SNRPB2: variants seen among roughly 807,000 people sequenced by gnomAD.
The protein encoded by SNRPB2 is U2 small nuclear ribonucleoprotein B''.
SNRPB2 carries 16 observed loss-of-function variants against 26.3 expected under a neutral mutation model. The observed-to-expected ratio is 0.61, with a 90% CI of 0.41 to 0.92. The LOEUF (loss-of-function observed/expected upper bound fraction) is 0.92, where lower values mean the gene tolerates loss of function less well. SNRPB2 is among the 40% of genes least tolerant of loss of function. The pLI, the probability that SNRPB2 is intolerant of heterozygous loss-of-function variation, is 0.00. For missense variants in SNRPB2, 179 were observed against 268.1 expected (o/e 0.67, Z 2.32); for synonymous variants, 75 against 89.0 (o/e 0.84, Z 0.88).
Position 16,732,148 on chromosome 20 carries a change from T to C in SNRPB2, c.65-16T>C, listed in dbSNP as rs755526243. On this transcript the variant is annotated splice_polypyrimidine_tract_variant and intron_variant, in intron 2 of 6. Transcript: ENST00000246071. The stretch of plus-strand genomic sequence containing the variant: ...ACTTTATTACCAATAACTTGTTTCT[T>C]TTCTAATTTGGACAGAATTGAAGAG... 1 of 1,520,096 alleles carries C rather than the reference T, an allele frequency of 6.6e-7. No homozygotes were observed. Among genetic ancestry groups the C allele is most frequent in the East Asian group, 2.3e-5 (1 of 43,124 alleles). 94.2% of individuals were successfully genotyped at this position (1,520,096 alleles called of 1,614,324 possible).
intron 4 of SNRPB2, 77 bp downstream of exon 4, chr20:16,737,478 G>T: frequency 7.4e-7 from 1 of 1,351,444 alleles, no homozygotes; most frequent in African/African-American, 1.5e-5. Flanking sequence ...GGTAAGGAAT[G>T]ATCTTAGGCT....
At chr20:16,739,311 T>G (rs1284233148) in intron 5 of SNRPB2, among the ~76,000 whole-genome samples, 3 of 152,192 alleles carry the variant, frequency 2.0e-5, no homozygotes, top group African/African-American at 7.2e-5. Context: ...TTTGGGCACA[T>G]AGTTTTATAG....
At chr20:16,739,055 A>G (rs929875213) in intron 5 of SNRPB2, among the ~76,000 whole-genome samples, 153 bp downstream of exon 5, 3 of 152,180 alleles carry the variant, frequency 2.0e-5, no homozygotes, top group African/African-American at 7.2e-5. Flanking sequence ...TAAGAACTCA[A>G]CTCCTGAAGA....
chr20:16,737,735 T>C (rs2072435801), intron 4 of SNRPB2, among the ~76,000 whole-genome samples: 1 of 152,208 alleles, frequency 6.6e-6, no homozygotes, highest in African/African-American at 2.4e-5. Flanking sequence ...TCATGAGTAC[T>C]TCACTCAAAG....
At chr20:16,740,751 C>T in intron 6 of SNRPB2, 95 bp from the exon 7 acceptor site, 1 of 907,070 alleles carries the variant, frequency 1.1e-6, no homozygotes, top group Admixed American at 2.5e-5. Flanking sequence ...GGTTATTTTT[C>T]TTGGACTAGT....
intron 3 of SNRPB2, among the ~76,000 whole-genome samples, chr20:16,733,040 G>A (rs1232048617): frequency 1.3e-5 from 2 of 152,184 alleles, no homozygotes; most frequent in African/African-American, 2.4e-5. Context: ...CCATATCTTA[G>A]GTGTGGATTC....
intron 5 of SNRPB2, among the ~76,000 whole-genome samples, chr20:16,739,578 C>G (rs1235705376): frequency 6.6e-6 from 1 of 151,944 alleles, no homozygotes; most frequent in East Asian, 1.9e-4. Context: ...GGTTTTTTAT[C>G]TCCTCAGCAT....
chr20:16,739,795 C>T (rs899321764), intron 5 of SNRPB2, among the ~76,000 whole-genome samples: 2 of 151,668 alleles, frequency 1.3e-5, no homozygotes, highest in African/African-American at 4.8e-5. Context: ...GTGTTTGTTA[C>T]TGCTTGTTTG....
intron 1 of SNRPB2, chr20:16,730,687 A>G (rs1047843027): frequency 6.6e-6 from 1 of 152,254 alleles, no homozygotes; most frequent in Non-Finnish European, 1.5e-5. Flanking sequence ...CATCCAATGC[A>G]GTTCACATAC....
rs767932181 is a variant in SNRPB2, at chr20:16,738,921, C to T, written c.429+19C>T. 13 of 1,547,760 alleles carry T rather than the reference C, an allele frequency of 8.4e-6. No individual in the cohort carries two copies. The highest frequency in any genetic ancestry group is 2.2e-5 in the East Asian group (1 of 44,474). On this transcript the variant is annotated intron_variant, in intron 5 of 6. Transcript: ENST00000246071. ...TCCTCAGGTAATTTTTTTTCCATGT[C>T]GTGCTTACCTTAAAATAAGATTGTA...
At chr20:16,732,382 T>G in intron 3 of SNRPB2, 46 bp downstream of exon 3, 1 of 1,006,438 alleles carries the variant, frequency 9.9e-7, no homozygotes, top group Non-Finnish European at 1.5e-6. Context: ...ATTAATGATA[T>G]TGATGGGACA....
intron 3 of SNRPB2, among the ~76,000 whole-genome samples, chr20:16,733,256 A>G (rs2072404600): frequency 6.6e-6 from 1 of 152,262 alleles, no homozygotes; most frequent in African/African-American, 2.4e-5. Flanking sequence ...AAAGAAGTAC[A>G]TAATACCTTA....
At chr20:16,738,745 ATC>A in intron 4 of SNRPB2, 105 bp from the exon 5 acceptor site, 1 of 703,890 alleles carries the variant, frequency 1.4e-6, no homozygotes, top group Non-Finnish European at 2.6e-6. Flanking sequence ...TAAGAAGGAT[ATC>A]TCTTGGAATT....
chr20:16,738,653 A>T (rs1246172515), intron 4 of SNRPB2, among the ~76,000 whole-genome samples, 199 bp from the exon 5 acceptor site: 1 of 152,178 alleles, frequency 6.6e-6, no homozygotes, highest in African/African-American at 2.4e-5. Flanking sequence ...GGCTGGTCTT[A>T]ACAAAAATAA....
In SNRPB2 at chr20:16,731,758, A is replaced by G; in HGVS notation, c.56A>G (p.Lys19Arg). 1 of 1,612,604 alleles carries G rather than the reference A, an allele frequency of 6.2e-7. No homozygotes were observed. The highest frequency in any genetic ancestry group is 8.5e-7 in the Non-Finnish European group (1 of 1,179,036). ...ATCAACAATATGAATGACAAAATTA[A>G]AAAGGAAGGTAAGTGCTTTTTAGAA... ...IYINNMNDKI[K>R]KEELKRSLYA... is the part of the protein sequence containing the mutation. Residue 19 changes from lysine (K) to arginine (R), a missense_variant, in exon 2 of 7, where the codon AAA becomes AGA. Lys to Arg is a conservative substitution (Grantham distance 26). Coordinates refer to ENST00000246071, the MANE Select transcript of SNRPB2 (RefSeq NM_003092.5).
At position 16,741,254 on chromosome 20, in the gene SNRPB2, C is replaced by G. The variant is rs150432263; in HGVS notation, c.*249C>G. 6.2e-4 allele frequency: 183 copies of G among 295,894 alleles called. No individual in the cohort carries two copies. The highest frequency in any genetic ancestry group is 3.8e-3 in the African/African-American group (174 of 46,320). The allele number at this position is 295,894 out of a possible 1,614,324, so 18.3% of individuals were successfully genotyped here. ...TTTCTTGATTGACCCATCTCCCTAT[C>G]ATCAAATGACTTCTAGTCTAGAACA... On this transcript the variant is annotated 3_prime_UTR_variant, in exon 7 of 7. Coordinates refer to ENST00000246071, the MANE Select transcript of SNRPB2 (RefSeq NM_003092.5).
chr20:16,738,743 A>C, intron 4 of SNRPB2, 109 bp from the exon 5 acceptor site: 1 of 701,764 alleles, frequency 1.4e-6, no homozygotes, highest in Admixed American at 2.4e-5. Flanking sequence ...AGTAAGAAGG[A>C]TATCTCTTGG....
Position 16,741,975 on chromosome 20 carries a change from C to T in SNRPB2, c.*970C>T, listed in dbSNP as rs2072465603. The T allele has an allele frequency of 6.6e-6, 1 of 152,150 alleles. No homozygotes were observed. The highest frequency in any genetic ancestry group is 2.4e-5 in the African/African-American group (1 of 41,438). The allele number at this position is 152,150 out of a possible 1,614,324, so 9.4% of individuals were successfully genotyped here. ...AACAACAACAAAAAAGAAAACAGTA[C>T]TTATTTTTCTGGTGTTCCTGTTTTA... On this transcript the variant is annotated 3_prime_UTR_variant, in exon 7 of 7. Transcript: ENST00000246071.
chr20:16,735,628 A>G (rs1456136178), intron 3 of SNRPB2, among the ~76,000 whole-genome samples: 1 of 152,160 alleles, frequency 6.6e-6, no homozygotes, highest in African/African-American at 2.4e-5. Flanking sequence ...GCTTTTACCT[A>G]CTTTCCAGGC....
Sources: allele counts gnomAD v4.1 joint callset (sites outside exome capture counted in the v4.1 genomes callset), GRCh38; gene constraint gnomAD v4.1.1; transcripts MANE v1.5; gene names NCBI Gene and HGNC (gene_info 2026-07-23, HGNC 2026-07-21).